The following ICA1 variants were observed in gnomAD, a reference collection of about 807,000 sequenced individuals.
The protein encoded by ICA1 is islet cell autoantigen 1, also known as 69 kDa islet cell autoantigen.
ICA1 carries 40 observed loss-of-function variants against 71.0 expected under a neutral mutation model. The observed-to-expected ratio is 0.56, with a 90% CI of 0.44 to 0.73. The LOEUF (loss-of-function observed/expected upper bound fraction) is 0.73, where lower values mean the gene tolerates loss of function less well. Ranked by LOEUF, ICA1 falls within the 30% of genes least tolerant of loss-of-function variation. ICA1 has a pLI of 0.00. For missense variants in ICA1, 578 were observed against 576.5 expected (o/e 1.00, Z -0.03); for synonymous variants, 207 against 209.5 (o/e 0.99, Z 0.10).
At chr7:8,262,290 CG>C (rs1026984403), upstream of ICA1, 3 of 151,854 alleles carry the variant, frequency 2.0e-5, no homozygotes, top group East Asian at 1.9e-4. Context: ...GCGCAGCGGC[CG>C]GGGGGTGCGG....
intron 7 of ICA1, 81 bp from the exon 8 acceptor site, chr7:8,157,295 T>C (rs1204314562): frequency 7.7e-7 from 1 of 1,292,396 alleles, no homozygotes; most frequent in Admixed American, 2.5e-5. Flanking sequence ...TGACTCTCTG[T>C]AGCTTTGAAG....
chr7:8,204,449 A>G (rs1790818283), intron 6 of ICA1, among the ~76,000 whole-genome samples: 1 of 152,256 alleles, frequency 6.6e-6, no homozygotes, highest in Non-Finnish European at 1.5e-5. Context: ...CGAAGTAATG[A>G]ATATGAAACA....
In ICA1 at chr7:8,226,946, G is replaced by A. The variant is rs1166643054; in HGVS notation, c.256+1655C>T. Among the ~76,000 whole-genome samples the A allele has an allele frequency of 6.6e-6, 1 of 152,108 alleles. No homozygotes were observed. Among genetic ancestry groups the A allele is most frequent in the African/African-American group, 2.4e-5 (1 of 41,424 alleles). On this transcript the variant is annotated intron_variant, in intron 4 of 13. Coordinates refer to ENST00000402384, the MANE Select transcript of ICA1 (RefSeq NM_001136020.3). This position sits in a 1 kb window ranked among gnomAD's most constrained non-coding sequence, Gnocchi z 4.4. ...ACGTAGGAAGCATAATTTCTGTTTAGAGAATCACTATTTACAGGAAATATG... is the reference window on the plus strand; with the variant it reads ...ACGTAGGAAGCATAATTTCTGTTTAAAGAATCACTATTTACAGGAAATATG...
intron 6 of ICA1, among the ~76,000 whole-genome samples, chr7:8,193,640 T>C (rs1357882384): frequency 1.3e-5 from 2 of 152,176 alleles, no homozygotes; most frequent in Non-Finnish European, 2.9e-5. Flanking sequence ...TTCAAATCCT[T>C]CCCTCTGTAG....
chr7:8,131,812 T>C (rs1190225167), intron 12 of ICA1, among the ~76,000 whole-genome samples: 1 of 152,220 alleles, frequency 6.6e-6, no homozygotes, highest in African/African-American at 2.4e-5. Flanking sequence ...TGCTATCATT[T>C]TCTTTGAAAA....
At chr7:8,119,741 G>A (rs1346630884) in intron 13 of ICA1, among the ~76,000 whole-genome samples, 1 of 152,190 alleles carries the variant, frequency 6.6e-6, no homozygotes, top group Non-Finnish European at 1.5e-5. Context: ...AGCTACTCAG[G>A]AGGTTGAGGC....
At chr7:8,174,161 G>C (rs549649448) in intron 6 of ICA1, among the ~76,000 whole-genome samples, 2 of 152,236 alleles carry the variant, frequency 1.3e-5, no homozygotes, top group South Asian at 2.1e-4. Flanking sequence ...TGGGAATGGA[G>C]TATGCGTGGC....
At position 8,218,330 on chromosome 7, in the gene ICA1, T is replaced by C. The variant is rs146025699; in HGVS notation, c.554A>G (p.Tyr185Cys). The C allele has an allele frequency of 1.9e-6, 3 of 1,614,118 alleles. No individual in the cohort carries two copies. The highest frequency in any genetic ancestry group is 2.7e-5 in the African/African-American group (2 of 75,062). ...DVSQELDPDL[Y>C]KQMEKFRKVQ... is the part of the protein sequence containing the mutation. ...CTTCCTGAACTTCTCCATTTGCTTG[T>C]AGAGGTCTGGATCAAGCTCCTGAGA... Residue 185 changes from tyrosine (Y) to cysteine (C), a missense_variant, in exon 6 of 14, where the codon TAC (tyrosine) becomes TGC (cysteine). Transcript: ENST00000402384.
At chr7:8,195,873 G>A (rs967148289) in intron 6 of ICA1, among the ~76,000 whole-genome samples, 1 of 152,270 alleles carries the variant, frequency 6.6e-6, no homozygotes, top group Admixed American at 6.5e-5. Flanking sequence ...AGCTACTCGG[G>A]AGGCTGAGGC....
chr7:8,202,838 A>G (rs1400530101), intron 6 of ICA1, among the ~76,000 whole-genome samples: 1 of 148,012 alleles, frequency 6.8e-6, no homozygotes, highest in Non-Finnish European at 1.5e-5. Context: ...TACTCCTAAG[A>G]GGAAGAACCA....
At chr7:8,251,219 T>G (rs1291442051) in intron 1 of ICA1, among the ~76,000 whole-genome samples, 1 of 152,064 alleles carries the variant, frequency 6.6e-6, no homozygotes, top group Non-Finnish European at 1.5e-5. Flanking sequence ...TTATTTACAT[T>G]TCAAAAGAAC....
rs1219050958 is a variant in ICA1, at chr7:8,234,432, G to A, written c.17+1478C>T. ...CCCCCAGGCAACTCTCCTCTGTGGA[G>A]ATGTACTTTCCTCTACCCCATCCCA... On this transcript the variant is annotated intron_variant, in intron 2 of 13. Coordinates refer to ENST00000402384, the MANE Select transcript of ICA1 (RefSeq NM_001136020.3). This position sits in a 1 kb window ranked among gnomAD's most constrained non-coding sequence, Gnocchi z 4.5. 6.6e-6 allele frequency among the ~76,000 whole-genome samples: 1 copy of A among 152,116 alleles called. No homozygotes were observed. The highest frequency in any genetic ancestry group is 1.5e-5 in the Non-Finnish European group (1 of 68,036).
At chr7:8,237,597 C>T (rs118110204) in intron 1 of ICA1, among the ~76,000 whole-genome samples, 2,144 of 152,156 alleles carry the variant, frequency 0.014, 23 homozygotes, top group Non-Finnish European at 0.022. Flanking sequence ...TCCCCATTTT[C>T]CCCTCCCACA....
intron 1 of ICA1, among the ~76,000 whole-genome samples, chr7:8,259,889 T>C (rs1811630747): frequency 6.6e-6 from 1 of 152,082 alleles, no homozygotes; most frequent in African/African-American, 2.4e-5. Flanking sequence ...TTGCGAATGG[T>C]GGTGGGGTTG....
intron 13 of ICA1, among the ~76,000 whole-genome samples, chr7:8,124,181 C>T (rs903134357): frequency 7.0e-5 from 9 of 128,472 alleles, no homozygotes; most frequent in Admixed American, 9.7e-5. Flanking sequence ...AGTGCAGTGG[C>T]GGGATCTCGG....
At chr7:8,122,237 A>G (rs1787276870) in intron 13 of ICA1, among the ~76,000 whole-genome samples, 1 of 152,176 alleles carries the variant, frequency 6.6e-6, no homozygotes, top group Admixed American at 6.5e-5. Flanking sequence ...TTCTCCAGGG[A>G]AACAATGCCA....
chr7:8,211,356 CG>C (rs1029305899), intron 6 of ICA1, among the ~76,000 whole-genome samples: 4 of 152,196 alleles, frequency 2.6e-5, no homozygotes, highest in Non-Finnish European at 5.9e-5. Flanking sequence ...CCCCCGGTGA[CG>C]GGCACCTTCC....
chr7:8,216,670 A>G (rs1363008722), intron 6 of ICA1, among the ~76,000 whole-genome samples: 1 of 152,152 alleles, frequency 6.6e-6, no homozygotes, highest in East Asian at 1.9e-4. Context: ...GAGGTGTTCA[A>G]TAAATATTAA....
chr7:8,247,171 G>A (rs1230441529), intron 1 of ICA1, among the ~76,000 whole-genome samples: 2 of 152,156 alleles, frequency 1.3e-5, no homozygotes, highest in African/African-American at 4.8e-5. Context: ...ACCATTTTAG[G>A]CTGGATGTGA....
Sources: gnomAD v4.1 joint callset for allele counts (sites outside exome capture counted in the v4.1 genomes callset) on GRCh38, gnomAD v4.1.1 for gene constraint, Gnocchi (gnomAD v3.1) non-coding constraint, MANE v1.5 for transcripts, NCBI Gene and HGNC (gene_info 2026-07-23, HGNC 2026-07-21) for gene names.